PMF1: variants seen among roughly 807,000 people sequenced by gnomAD.
PMF1 encodes the protein polyamine-modulated factor 1.
PMF1 carries 21 observed loss-of-function variants against 26.7 expected under a neutral mutation model. That is an observed-to-expected ratio of 0.79 (90% confidence interval 0.56 to 1.13). PMF1 has a LOEUF of 1.13. Ranked by LOEUF, PMF1 falls within the 50% of genes most tolerant of loss-of-function variation. The pLI, the probability that PMF1 is intolerant of heterozygous loss-of-function variation, is 0.00. For missense variants in PMF1, 266 were observed against 254.9 expected, an observed-to-expected ratio of 1.04 and a Z score of -0.30; for synonymous variants, 105 against 101.0, an observed-to-expected ratio of 1.04 and a Z score of -0.24.
chr1:156,225,153 G>C (rs1202995598), intron 1 of PMF1, among the ~76,000 whole-genome samples: 2 of 152,208 alleles, frequency 1.3e-5, no homozygotes, highest in East Asian at 3.9e-4. Context: ...GCCCACCTCA[G>C]CCTCCCAAAG....
chr1:156,226,362 T>G (rs1437033077), intron 1 of PMF1, among the ~76,000 whole-genome samples: 4 of 152,220 alleles, frequency 2.6e-5, no homozygotes, highest in Non-Finnish European at 5.9e-5. Flanking sequence ...TCTGATAAAT[T>G]TAGCCTTTTT....
chr1:156,221,831 T>C (rs998269094), intron 1 of PMF1, among the ~76,000 whole-genome samples: 5 of 152,236 alleles, frequency 3.3e-5, no homozygotes, highest in African/African-American at 9.6e-5. Context: ...AGAGTCCTCA[T>C]TGGCCTGTCC....
chr1:156,225,432 C>T (rs772751276), intron 1 of PMF1: 6 of 621,666 alleles, frequency 9.7e-6, no homozygotes, highest in Non-Finnish European at 1.8e-5. Context: ...AGTATGTAGT[C>T]TTTTATCCCT....
At chr1:156,225,146 C>A (rs1176606566) in intron 1 of PMF1, among the ~76,000 whole-genome samples, 1 of 152,060 alleles carries the variant, frequency 6.6e-6, no homozygotes, top group Non-Finnish European at 1.5e-5. Context: ...GTAATCCGCC[C>A]ACCTCAGCCT....
At chr1:156,217,770 A>C (rs1202051893) in intron 1 of PMF1, among the ~76,000 whole-genome samples, 2 of 151,654 alleles carry the variant, frequency 1.3e-5, no homozygotes, top group African/African-American at 4.8e-5. Flanking sequence ...CTAAAAGTGC[A>C]CATGCACATG....
At position 156,232,415 on chromosome 1, in the gene PMF1, C is replaced by T; in HGVS notation, c.257C>T (p.Thr86Ile). 1 of 1,613,942 alleles carries T rather than the reference C, an allele frequency of 6.2e-7. No individual in the cohort carries two copies. Among genetic ancestry groups the T allele is most frequent in the Admixed American group, 1.7e-5 (1 of 60,022 alleles). The change falls in exon 2 of 5, where the codon ACA becomes ATA. Residue 86 changes from threonine to isoleucine, a missense_variant. Transcript: ENST00000368277. ...IYDKFIAQLQ[T>I]SIREEISDIK... is the part of the protein sequence containing the mutation. ...GACAAGTTTATAGCTCAGTTGCAGA[C>T]ATCTATCCGGGTGAGTGGCGGGAAG...
At chr1:156,221,358 T>C (rs887953) in intron 1 of PMF1, among the ~76,000 whole-genome samples, 54,387 of 152,012 alleles carry the variant, frequency 0.36, 10,190 homozygotes, top group African/African-American at 0.46. Context: ...TGGTCTTCCT[T>C]CATCTCTTCC....
At chr1:156,231,462 G>A (rs1658703595) in intron 1 of PMF1, among the ~76,000 whole-genome samples, 1 of 151,724 alleles carries the variant, frequency 6.6e-6, no homozygotes, top group Admixed American at 6.6e-5. Flanking sequence ...TAGCACTTTG[G>A]GAGGCTGAGG....
intron 2 of PMF1, among the ~76,000 whole-genome samples, chr1:156,233,222 C>T: frequency 6.6e-6 from 1 of 152,024 alleles, no homozygotes. Context: ...GGCGCAATCT[C>T]GGTTCACTAC....
intron 1 of PMF1, among the ~76,000 whole-genome samples, chr1:156,224,725 C>T (rs1236655999): frequency 1.3e-5 from 2 of 151,618 alleles, no homozygotes; most frequent in African/African-American, 4.8e-5. Flanking sequence ...GATCGCGCCA[C>T]TGCACTCCAG....
At chr1:156,235,405 T>C (rs910576646) in intron 3 of PMF1, among the ~76,000 whole-genome samples, 2 of 151,338 alleles carry the variant, frequency 1.3e-5, no homozygotes, top group African/African-American at 4.9e-5. Flanking sequence ...ATTACAGGCA[T>C]GAGCCACCGC....
At chr1:156,224,785 AAG>A (rs1262512072) in intron 1 of PMF1, among the ~76,000 whole-genome samples, 1 of 152,108 alleles carries the variant, frequency 6.6e-6, no homozygotes, top group African/African-American at 2.4e-5. Flanking sequence ...GAAAATAAAA[AAG>A]AAACATTTAT....
At chr1:156,235,434 AATTTTTTTTTTT>A (rs1190511073) in intron 3 of PMF1, among the ~76,000 whole-genome samples, 1 of 115,808 alleles carries the variant, frequency 8.6e-6, no homozygotes, top group Non-Finnish European at 1.8e-5. Context: ...ATTGAAAAAT[AATTTTTTTTTTT>A]TTTTTTTTTT....
chr1:156,220,222 C>G (rs1461611756), intron 1 of PMF1, among the ~76,000 whole-genome samples: 1 of 151,970 alleles, frequency 6.6e-6, no homozygotes, highest in Non-Finnish European at 1.5e-5. Flanking sequence ...CCTCGGCCTC[C>G]CAAAGTGCTG....
At chr1:156,223,133 T>C (rs1238326107) in intron 1 of PMF1, among the ~76,000 whole-genome samples, 1 of 152,214 alleles carries the variant, frequency 6.6e-6, no homozygotes, top group African/African-American at 2.4e-5. Context: ...AGGGTGGGCA[T>C]GAGTCATCAA....
At chr1:156,229,593 G>A (rs1302783477) in intron 1 of PMF1, among the ~76,000 whole-genome samples, 1 of 150,392 alleles carries the variant, frequency 6.6e-6, no homozygotes, top group Non-Finnish European at 1.5e-5. Flanking sequence ...TTTTTGAGAT[G>A]GAGTGTCGCT....
Position 156,224,303 on chromosome 1 carries a change from G to A in PMF1, c.162-8017G>A, listed in dbSNP as rs1364173977. ...TTCTTTGTGGTGAGAACCTTCAAAA[G>A]CATCTCTTCTAGCTATTTGGCAATC... On this transcript the variant is annotated intron_variant, in intron 1 of 4. Transcript: ENST00000368277. Among the ~76,000 whole-genome samples, 7 of 152,262 alleles carry A rather than the reference G, an allele frequency of 4.6e-5. No individual in the cohort carries two copies. In the East Asian group the frequency reaches 1.3e-3, roughly 29 times the overall value.
rs370575860 is a variant in PMF1, at chr1:156,218,739, G to A, written c.161+5563G>A. Among the ~76,000 whole-genome samples the A allele has an allele frequency of 4.8e-4, 73 of 151,882 alleles. No individual in the cohort carries two copies. The South Asian group carries it at 0.013, about 26-fold the overall frequency. ...GGAGGTTGCAGTGAGCTGAGATTGC[G>A]CCACTGCATTCCAGCCTGGGTGACA... On this transcript the variant is annotated intron_variant, in intron 1 of 4. Coordinates refer to ENST00000368277, the MANE Select transcript of PMF1 (RefSeq NM_007221.4).
At chr1:156,236,086 GCAT>G (rs1658991474) in intron 3 of PMF1, among the ~76,000 whole-genome samples, 199 bp from the exon 4 acceptor site, 1 of 152,188 alleles carries the variant, frequency 6.6e-6, no homozygotes, top group African/African-American at 2.4e-5. Context: ...GGACCCCTAA[GCAT>G]TGAAACCCAG....
Sources: allele counts gnomAD v4.1 joint callset (sites outside exome capture counted in the v4.1 genomes callset), GRCh38; gene constraint gnomAD v4.1.1; transcripts MANE v1.5; gene names NCBI Gene and HGNC (gene_info 2026-07-23, HGNC 2026-07-21).